Variants in CALN1 observed in about 807,000 individuals in gnomAD.
CALN1 encodes calneuron 1.
In CALN1, 17 loss-of-function variants were observed where a neutral mutation model predicts 30.6. The ratio of observed to expected loss-of-function variants is 0.56; its 90% CI spans 0.38 to 0.83. The LOEUF is 0.83. Ranked by LOEUF, CALN1 falls within the 40% of genes least tolerant of loss-of-function variation. CALN1 has a pLI of 0.00. For synonymous variants in CALN1, 156 were observed against 131.4 expected (o/e 1.19, Z -1.28); for missense variants, 291 against 354.9 (o/e 0.82, Z 1.45).
At chr7:72,278,866 T>G in intron 2 of CALN1, 56 bp from the exon 3 acceptor site, 1 of 1,573,970 alleles carries the variant, frequency 6.4e-7, no homozygotes, top group South Asian at 1.1e-5. Flanking sequence ...TCATTCTTCC[T>G]TTCCTTTCTT....
intron 3 of CALN1, among the ~76,000 whole-genome samples, chr7:72,132,250 G>A (rs1234333194): frequency 1.3e-5 from 2 of 152,102 alleles, no homozygotes; most frequent in African/African-American, 4.8e-5. Flanking sequence ...TCTTAAACAT[G>A]CTTAGGACAC....
chr7:72,017,548 A>G (rs918887472), intron 5 of CALN1, among the ~76,000 whole-genome samples: 1 of 152,146 alleles, frequency 6.6e-6, no homozygotes, highest in Non-Finnish European at 1.5e-5. Flanking sequence ...AGCTTGCAGA[A>G]TGGCTCCCTG....
intron 2 of CALN1, among the ~76,000 whole-genome samples, chr7:72,302,527 C>A (rs1440576410): frequency 6.6e-6 from 1 of 152,062 alleles, no homozygotes; most frequent in Non-Finnish European, 1.5e-5. Flanking sequence ...TGGCTCAGGC[C>A]CATCATCCCA....
chr7:72,076,611 CAAAAAAAAAAAAAA>C (rs572245834), intron 4 of CALN1, among the ~76,000 whole-genome samples: 6 of 6,126 alleles, frequency 9.8e-4, no homozygotes, highest in Non-Finnish European at 1.9e-3. Context: ...AAAAAAAAAG[CAAAAAAAAAAAAAA>C]AAAAAAAAAA....
chr7:71,948,237 G>T (rs889497937), intron 5 of CALN1, among the ~76,000 whole-genome samples: 21 of 15,616 alleles, frequency 1.3e-3, no homozygotes, highest in African/African-American at 4.9e-3. Context: ...TGTTCTGAGT[G>T]GGGGGGAAGA....
At chr7:71,840,240 A>G (rs1789855577) in intron 5 of CALN1, among the ~76,000 whole-genome samples, 1 of 152,138 alleles carries the variant, frequency 6.6e-6, no homozygotes. Flanking sequence ...AAGCAGGAGC[A>G]TTGCTTGAGC....
chr7:72,137,888 TGA>T (rs957357775), intron 3 of CALN1, among the ~76,000 whole-genome samples: 5 of 151,928 alleles, frequency 3.3e-5, no homozygotes, highest in African/African-American at 9.7e-5. Context: ...CATATCTATT[TGA>T]GAGAGAGAGA....
At chr7:71,805,161 C>A (rs929936193) in intron 6 of CALN1, among the ~76,000 whole-genome samples, 38 of 152,150 alleles carry the variant, frequency 2.5e-4, no homozygotes, top group Admixed American at 2.4e-3. Context: ...ATCTCTGCCA[C>A]AAAATGTCTG....
intron 4 of CALN1, among the ~76,000 whole-genome samples, chr7:72,055,230 G>C (rs1380674365): frequency 6.6e-6 from 1 of 152,148 alleles, no homozygotes; most frequent in Non-Finnish European, 1.5e-5. Context: ...GCCAGACCTG[G>C]GGCTGGGTGG....
rs562920711 is a variant in CALN1 at position 71,969,097 on chromosome 7, G to A, written c.501+54560C>T. Among the ~76,000 whole-genome samples, 11 of 151,942 alleles carry A rather than the reference G, an allele frequency of 7.2e-5. No individual in the cohort carries two copies. The South Asian group carries it at 2.3e-3, about 32-fold the overall frequency. ...CTGCACACCTAAAGGATGAATTTTG[G>A]AAATTATATCTCCAAATACTTCATT... On this transcript the variant is annotated intron_variant, in intron 5 of 6. Transcript: ENST00000395275.
intron 2 of CALN1, among the ~76,000 whole-genome samples, chr7:72,349,566 T>A (rs1313500620): frequency 2.0e-5 from 3 of 152,168 alleles, no homozygotes. Flanking sequence ...TAATACTAAC[T>A]TCTTTTAAGG....
intron 3 of CALN1, among the ~76,000 whole-genome samples, chr7:72,237,894 C>A (rs1270723952): frequency 6.6e-6 from 1 of 152,236 alleles, no homozygotes; most frequent in Non-Finnish European, 1.5e-5. Context: ...GAAGTGCCTG[C>A]AACATCATGG....
At chr7:72,331,781 G>A (rs572378753) in intron 2 of CALN1, among the ~76,000 whole-genome samples, 5 of 151,960 alleles carry the variant, frequency 3.3e-5, no homozygotes, top group Non-Finnish European at 5.9e-5. Context: ...GTGGTTTTCT[G>A]CACAGACCAT....
At chr7:72,258,268 G>T (rs118105652) in intron 3 of CALN1, among the ~76,000 whole-genome samples, 1 of 152,224 alleles carries the variant, frequency 6.6e-6, no homozygotes, top group East Asian at 1.9e-4. Context: ...CTAATTATAG[G>T]CAGGCAATCT....
intron 1 of CALN1, among the ~76,000 whole-genome samples, chr7:72,411,072 A>AT (rs1173452520): frequency 6.6e-6 from 1 of 152,232 alleles, no homozygotes; most frequent in African/African-American, 2.4e-5. Flanking sequence ...AACATACAGA[A>AT]TTTAACAGGA....
At chr7:71,849,992 G>A (rs1790545179) in intron 5 of CALN1, among the ~76,000 whole-genome samples, 1 of 152,122 alleles carries the variant, frequency 6.6e-6, no homozygotes, top group Non-Finnish European at 1.5e-5. Context: ...AATGTGCATG[G>A]CCTACAACTT....
rs571015998 is a variant in CALN1 at position 72,438,411 on chromosome 7, G to A, written c.-226+8631C>T. Reference sequence around the variant, plus strand: ...TGTTGAGATTACAGAAGTGAGCCACGGCACCCAGCCTTGCCTGTATTTCTT... The same window carrying A: ...TGTTGAGATTACAGAAGTGAGCCACAGCACCCAGCCTTGCCTGTATTTCTT... On this transcript the variant is annotated intron_variant, in intron 1 of 6. Coordinates refer to the CALN1 transcript ENST00000395276. 1.2e-4 allele frequency among the ~76,000 whole-genome samples: 18 copies of A among 152,116 alleles called. No individual in the cohort carries two copies. In the South Asian group the frequency reaches 1.7e-3, roughly 14 times the overall value.
rs759971896 is a variant in CALN1 at position 72,359,891 on chromosome 7, G to A, written c.119+43360C>T. On this transcript the variant is annotated intron_variant, in intron 2 of 6. Coordinates refer to ENST00000395275, the MANE Select transcript of CALN1 (RefSeq NM_031468.4). ...ACTCAGGAGGCTGAGGCAGGAGAACGGCATGAACCCAGGAGGCGGAGCTTG... is the reference window on the plus strand; with the variant it reads ...ACTCAGGAGGCTGAGGCAGGAGAACAGCATGAACCCAGGAGGCGGAGCTTG... 5.4e-5 allele frequency among the ~76,000 whole-genome samples: 8 copies of A among 149,120 alleles called. No homozygotes were observed. In the South Asian group the frequency reaches 6.4e-4, roughly 12 times the overall value.
chr7:72,163,005 A>C (rs1483496064), intron 3 of CALN1, among the ~76,000 whole-genome samples: 2 of 152,236 alleles, frequency 1.3e-5, no homozygotes, highest in Non-Finnish European at 2.9e-5. Flanking sequence ...CAGGAGCACA[A>C]GGGGACAGAA....
Sources: allele counts gnomAD v4.1 joint callset (sites outside exome capture counted in the v4.1 genomes callset), GRCh38; gene constraint gnomAD v4.1.1; transcripts MANE v1.5; gene names NCBI Gene and HGNC (gene_info 2026-07-23, HGNC 2026-07-21).